Variants in ERMARD observed in about 807,000 individuals in gnomAD.
ERMARD encodes endoplasmic reticulum membrane-associated RNA degradation protein.
A neutral mutation model predicts 83.9 loss-of-function variants in ERMARD; 71 were observed. The observed-to-expected ratio is 0.85, with a 90% CI of 0.70 to 1.03. The LOEUF is 1.03. Ranked by LOEUF, ERMARD falls within the 50% of genes least tolerant of loss-of-function variation. The pLI, the probability that ERMARD is intolerant of heterozygous loss-of-function variation, is 0.00. For synonymous variants in ERMARD, 284 were observed against 298.6 expected (o/e 0.95, Z 0.50); for missense variants, 838 against 810.9 (o/e 1.03, Z -0.41).
At chr6:169,763,000 A>C (rs1291834410) in intron 9 of ERMARD, among the ~76,000 whole-genome samples, 1 of 152,176 alleles carries the variant, frequency 6.6e-6, no homozygotes, top group Non-Finnish European at 1.5e-5. Flanking sequence ...CCTTTGTCTC[A>C]GTTTCTTGAG....
upstream of ERMARD, chr6:169,751,360 A>C: frequency 6.2e-7 from 1 of 1,614,018 alleles, no homozygotes; most frequent in Non-Finnish European, 8.5e-7. Context: ...CGAACATGCT[A>C]GGCCTCCTTT....
chr6:169,766,075 A>G (rs1286675193), intron 9 of ERMARD, among the ~76,000 whole-genome samples: 1 of 152,108 alleles, frequency 6.6e-6, no homozygotes, highest in African/African-American at 2.4e-5. Context: ...AAGCCTTTTG[A>G]GATAGGCATT....
intron 11 of ERMARD, among the ~76,000 whole-genome samples, chr6:169,769,156 A>G (rs1792582157): frequency 6.6e-6 from 1 of 152,254 alleles, no homozygotes; most frequent in Admixed American, 6.5e-5. Flanking sequence ...CGTAAGAAGC[A>G]ACAGACTTTT....
At chr6:169,752,237 A>G (rs1054067186) in intron 1 of ERMARD, among the ~76,000 whole-genome samples, 3 of 152,186 alleles carry the variant, frequency 2.0e-5, no homozygotes, top group Non-Finnish European at 4.4e-5. Context: ...TGATAACGAT[A>G]ACTACCATTT....
upstream of ERMARD, chr6:169,751,524 G>A (rs1228382937): frequency 3.0e-5 from 48 of 1,610,510 alleles, no homozygotes; most frequent in Non-Finnish European, 3.9e-5. Flanking sequence ...GCCCTAGCCA[G>A]TCCCGCGAGG....
upstream of ERMARD, chr6:169,751,315 GC>G: frequency 1.9e-6 from 3 of 1,606,998 alleles, no homozygotes; most frequent in Non-Finnish European, 2.6e-6. Flanking sequence ...GCCGTCTCGG[GC>G]CCCTAGCAGT....
At chr6:169,762,828 T>C (rs1791724873) in intron 9 of ERMARD, among the ~76,000 whole-genome samples, 1 of 152,242 alleles carries the variant, frequency 6.6e-6, no homozygotes, top group Non-Finnish European at 1.5e-5. Flanking sequence ...CCGCGTGAGA[T>C]GGCTGCGGTC....
chr6:169,763,991 C>G (rs1791879332), intron 9 of ERMARD, among the ~76,000 whole-genome samples: 1 of 152,216 alleles, frequency 6.6e-6, no homozygotes, highest in South Asian at 2.1e-4. Flanking sequence ...GGCGTTGTTT[C>G]CCACAGATTT....
rs537038839 is a variant in ERMARD at position 169,781,376 on chromosome 6, A to G, written c.1900A>G (p.Thr634Ala). 9.9e-6 allele frequency: 16 copies of G among 1,612,816 alleles called. No homozygotes were observed. Among genetic ancestry groups the G allele is most frequent in the Admixed American group, 6.7e-5 (4 of 59,812 alleles). The change falls in exon 18 of 18, where the codon ACC (threonine) becomes GCC (alanine). Residue 634 changes from threonine (T) to alanine (A), a missense_variant. Physicochemically the swap from Thr to Ala is moderately conservative, Grantham distance 58. Coordinates refer to ENST00000366773, the MANE Select transcript of ERMARD (RefSeq NM_018341.3). Reference sequence around the variant, plus strand: ...GTACACGGAGAACCTGGTGGCTTACACCAGTTACGAAAAGAACAAGTGGAA... The same window carrying G: ...GTACACGGAGAACCTGGTGGCTTACGCCAGTTACGAAAAGAACAAGTGGAA... ...LQYTENLVAY[T>A]SYEKNKWNET...
intron 17 of ERMARD, among the ~76,000 whole-genome samples, chr6:169,780,565 G>A (rs890020365): frequency 6.6e-6 from 1 of 152,212 alleles, no homozygotes; most frequent in African/African-American, 2.4e-5. Flanking sequence ...AGCAACAGCT[G>A]TCTCAGTGGC....
intron 10 of ERMARD, among the ~76,000 whole-genome samples, 179 bp downstream of exon 10, chr6:169,766,846 A>G (rs763756965): frequency 6.6e-6 from 1 of 152,226 alleles, no homozygotes. Flanking sequence ...TTTGGGGCCC[A>G]GTGTTACCAA....
chr6:169,751,340 G>A, upstream of ERMARD: 1 of 1,613,702 alleles, frequency 6.2e-7, no homozygotes, highest in Non-Finnish European at 8.5e-7. Context: ...CGCACTCACT[G>A]CCTCCTTCTC....
At chr6:169,757,418 ATAT>A (rs1790956058) in intron 5 of ERMARD, among the ~76,000 whole-genome samples, 2 of 152,328 alleles carry the variant, frequency 1.3e-5, no homozygotes, top group South Asian at 4.1e-4. Context: ...GATCAATTAC[ATAT>A]TAATAACTAT....
Position 169,762,843 on chromosome 6 carries a change from C to T in ERMARD, c.960+312C>T, listed in dbSNP as rs55646384. On this transcript the variant is annotated intron_variant, in intron 9 of 17. Transcript: ENST00000366773. ...CCGCGTGAGATGGCTGCGGTCTAGCCGGGAGACTGAGGTGACCAGTGGTTG... is the reference window on the plus strand; with the variant it reads ...CCGCGTGAGATGGCTGCGGTCTAGCTGGGAGACTGAGGTGACCAGTGGTTG... Among the ~76,000 whole-genome samples the T allele has an allele frequency of 0.013, 2,003 of 152,276 alleles. 28 individuals carry two copies. The highest frequency in any genetic ancestry group is 0.058 in the Middle Eastern group (17 of 294).
At chr6:169,754,562 A>G (rs1437159357) in intron 2 of ERMARD, among the ~76,000 whole-genome samples, 1 of 152,174 alleles carries the variant, frequency 6.6e-6, no homozygotes, top group Non-Finnish European at 1.5e-5. Flanking sequence ...TCCTTGCAGC[A>G]TTGTTTATAA....
At chr6:169,778,765 G>A (rs1793875313) in intron 16 of ERMARD, among the ~76,000 whole-genome samples, 1 of 152,232 alleles carries the variant, frequency 6.6e-6, no homozygotes, top group Non-Finnish European at 1.5e-5. Context: ...TCTTCAATCT[G>A]GTGGCATTGA....
At chr6:169,754,259 G>A (rs115108224) in intron 2 of ERMARD, among the ~76,000 whole-genome samples, 338 of 152,308 alleles carry the variant, frequency 2.2e-3, no homozygotes, top group African/African-American at 7.6e-3. Context: ...CTACAGAGGA[G>A]GTGTCAGGAG....
chr6:169,753,069 C>T (rs1243671419), intron 1 of ERMARD: 1 of 152,206 alleles, frequency 6.6e-6, no homozygotes, highest in Non-Finnish European at 1.5e-5. Context: ...TGACAGGACA[C>T]AGGAGAGCAG....
At chr6:169,764,842 G>T (rs1302509359) in intron 9 of ERMARD, among the ~76,000 whole-genome samples, 1 of 152,172 alleles carries the variant, frequency 6.6e-6, no homozygotes, top group African/African-American at 2.4e-5. Flanking sequence ...CAGGTCAGGG[G>T]CTGTGGCCAC....
Sources: allele counts gnomAD v4.1 joint callset (sites outside exome capture counted in the v4.1 genomes callset), GRCh38; gene constraint gnomAD v4.1.1; transcripts MANE v1.5; gene names NCBI Gene and HGNC (gene_info 2026-07-23, HGNC 2026-07-21).